BMP2K: variants seen among roughly 807,000 people sequenced by gnomAD.
The protein encoded by BMP2K is BMP-2-inducible protein kinase.
A neutral mutation model predicts 116.0 loss-of-function variants in BMP2K; 74 were observed. That is an observed-to-expected ratio of 0.64 (90% CI 0.53 to 0.77). BMP2K has a LOEUF of 0.77. Among genes scored for constraint, BMP2K ranks in the 30% least tolerant of loss-of-function variants. The probability of loss-of-function intolerance (pLI) is 0.00; values close to 1 mark genes in which losing one functional copy is unlikely to be tolerated. For missense variants in BMP2K, 1,365 were observed against 1,403.6 expected (o/e 0.97, Z 0.44); for synonymous variants, 486 against 502.5 (o/e 0.97, Z 0.44).
intron 1 of BMP2K, among the ~76,000 whole-genome samples, chr4:78,778,546 C>G (rs958202201): frequency 3.9e-5 from 6 of 152,154 alleles, no homozygotes; most frequent in Non-Finnish European, 5.9e-5. Flanking sequence ...ATCCTACACC[C>G]CAGCTTTAAT....
rs903784228 is a variant in BMP2K, at chr4:78,826,103, A to G, written c.245A>G (p.Tyr82Cys). 2.2e-5 allele frequency: 35 copies of G among 1,614,076 alleles called. No homozygotes were observed. Among genetic ancestry groups the G allele is most frequent in the Non-Finnish European group, 3.0e-5 (35 of 1,180,016 alleles). ...ATCCGATGTGCATTGAAGCGAATGT[A>G]TGTCAATAACATGCCAGACCTCAAT... ...GGIRCALKRM[Y>C]VNNMPDLNVC... Residue 82 changes from tyrosine to cysteine, a missense_variant, in exon 2 of 16, where the codon TAT (tyrosine) becomes TGT (cysteine). By Grantham distance (194) the Tyr-to-Cys change is radical (BLOSUM62 -2). Around this residue, in one of 3 missense-constraint regions of BMP2K, gnomAD observed 762 missense variants for 756.7 expected, o/e 1.01. Coordinates refer to ENST00000502613, the MANE Select transcript of BMP2K (RefSeq NM_198892.2).
intron 14 of BMP2K, among the ~76,000 whole-genome samples, chr4:78,883,035 C>CT (rs1302804064): frequency 9.2e-5 from 14 of 152,172 alleles, no homozygotes; most frequent in Admixed American, 5.2e-4. Flanking sequence ...ACTTTGTAGA[C>CT]TATTTTAATT....
At position 78,873,742 on chromosome 4, in the gene BMP2K, CAG is replaced by C. The variant is rs532323246; in HGVS notation, c.1793+946_1793+947del. 4.6e-3 allele frequency among the ~76,000 whole-genome samples: 682 copies of C among 147,414 alleles called. 3 individuals are homozygous for C. Among genetic ancestry groups the C allele is most frequent in the African/African-American group, 0.016 (645 of 40,694 alleles). ...CATGTGTGTGCACATGTGCAAGAGA[CAG>C]ATGGTGGGGCGGGTATGGTAGAGAG... is the stretch of plus-strand genomic sequence containing the variant. On this transcript the variant is annotated intron_variant, in intron 13 of 15. Coordinates refer to ENST00000502613, the MANE Select transcript of BMP2K (RefSeq NM_198892.2).
At chr4:78,834,081 G>C (rs1157753353) in intron 3 of BMP2K, among the ~76,000 whole-genome samples, 1 of 151,730 alleles carries the variant, frequency 6.6e-6, no homozygotes, top group Non-Finnish European at 1.5e-5. Flanking sequence ...AAATTTGGAG[G>C]ATGCATTTTG....
chr4:78,864,292 T>C (rs1731937686), intron 9 of BMP2K, among the ~76,000 whole-genome samples: 1 of 152,016 alleles, frequency 6.6e-6, no homozygotes, highest in South Asian at 2.1e-4. Flanking sequence ...TTACTTGAGC[T>C]TAGGGAGTAT....
chr4:78,806,015 AT>A (rs1184988833), intron 1 of BMP2K, among the ~76,000 whole-genome samples: 5 of 151,346 alleles, frequency 3.3e-5, no homozygotes, highest in Admixed American at 1.3e-4. Flanking sequence ...TTTTTTTTTC[AT>A]TTTTTTATGG....
At chr4:78,779,990 C>T (rs928220438) in intron 1 of BMP2K, among the ~76,000 whole-genome samples, 2 of 151,988 alleles carry the variant, frequency 1.3e-5, no homozygotes, top group African/African-American at 4.8e-5. Flanking sequence ...TGAGGGAGAG[C>T]GGTATGTTGG....
chr4:78,799,635 A>T (rs1349303611), intron 1 of BMP2K, among the ~76,000 whole-genome samples: 1 of 152,222 alleles, frequency 6.6e-6, no homozygotes, highest in African/African-American at 2.4e-5. Context: ...TGGCTTTTGT[A>T]TCAAAAGTAC....
At chr4:78,829,629 G>C (rs1252860126) in intron 2 of BMP2K, among the ~76,000 whole-genome samples, 1 of 151,830 alleles carries the variant, frequency 6.6e-6, no homozygotes, top group Non-Finnish European at 1.5e-5. Context: ...CATCAGAGAA[G>C]TCATTATTTA....
In BMP2K at chr4:78,783,690, C is replaced by T. The variant is rs191683444; in HGVS notation, c.178+6969C>T. On this transcript the variant is annotated intron_variant, in intron 1 of 15. Coordinates refer to ENST00000502613, the MANE Select transcript of BMP2K (RefSeq NM_198892.2). ...GCATAGTGGCACGTGCCTATAATAA[C>T]AGCTACTCATGAGGCTGAGGCAGGA... Among the ~76,000 whole-genome samples the T allele has an allele frequency of 2.1e-3, 318 of 152,270 alleles. 1 individual carries two copies. The highest frequency in any genetic ancestry group is 7.5e-3 in the African/African-American group (310 of 41,556).
intron 13 of BMP2K, among the ~76,000 whole-genome samples, chr4:78,875,756 A>C (rs1253889818): frequency 2.6e-5 from 4 of 152,224 alleles, no homozygotes; most frequent in African/African-American, 9.6e-5. Flanking sequence ...GGCTTTGGGC[A>C]GGAGGCTTCA....
In BMP2K at chr4:78,878,774, CAGA is replaced by C. The variant is rs1260999737; in HGVS notation, c.1839_1841del (p.Lys613del). 12 of 1,612,290 alleles carry C rather than the reference CAGA, an allele frequency of 7.4e-6. No individual in the cohort carries two copies. Among genetic ancestry groups the C allele is most frequent in the Non-Finnish European group, 8.5e-6 (10 of 1,179,534 alleles). On this transcript the variant is annotated inframe_deletion, in exon 14 of 16. Coordinates refer to ENST00000502613, the MANE Select transcript of BMP2K (RefSeq NM_198892.2). ...AGAGGCCATTGCAAATTTCACAAAT[CAGA>C]AGAACATCAGCAATCCACCTGATAT...
intron 15 of BMP2K, among the ~76,000 whole-genome samples, chr4:78,898,370 ATTG>A (rs898057855): frequency 6.6e-6 from 1 of 151,906 alleles, no homozygotes. Context: ...AATAAGGTGT[ATTG>A]TTTATTTTAG....
chr4:78,807,439 T>G (rs903767496), intron 1 of BMP2K, among the ~76,000 whole-genome samples: 1 of 152,174 alleles, frequency 6.6e-6, no homozygotes, highest in Non-Finnish European at 1.5e-5. Flanking sequence ...ATAGAGTAAG[T>G]GACAAAACGT....
At chr4:78,897,007 A>G (rs1174671919) in intron 15 of BMP2K, among the ~76,000 whole-genome samples, 4 of 152,148 alleles carry the variant, frequency 2.6e-5, no homozygotes, top group Non-Finnish European at 1.5e-5. Context: ...GAGTTTTGAT[A>G]GTTTCCTCTC....
chr4:78,899,801 T>A (rs1342815195), intron 15 of BMP2K, among the ~76,000 whole-genome samples: 2 of 152,158 alleles, frequency 1.3e-5, no homozygotes, highest in Non-Finnish European at 2.9e-5. Flanking sequence ...GAATCCTGAT[T>A]GCAGTGGATT....
intron 4 of BMP2K, among the ~76,000 whole-genome samples, chr4:78,843,947 TTTC>T (rs1260464457): frequency 6.6e-6 from 1 of 151,912 alleles, no homozygotes; most frequent in Non-Finnish European, 1.5e-5. Flanking sequence ...TCTAAGTAGA[TTTC>T]TTTCTGAATC....
At chr4:78,815,844 CATT>C (rs1729312830) in intron 1 of BMP2K, among the ~76,000 whole-genome samples, 1 of 152,048 alleles carries the variant, frequency 6.6e-6, no homozygotes, top group South Asian at 2.1e-4. Context: ...TTTAAGTACT[CATT>C]AAGCATTAGT....
At chr4:78,875,735 T>G (rs1455672089) in intron 13 of BMP2K, among the ~76,000 whole-genome samples, 1 of 152,206 alleles carries the variant, frequency 6.6e-6, no homozygotes, top group African/African-American at 2.4e-5. Context: ...TACAAGATAG[T>G]TCACTCACAT....
Sources: gnomAD v4.1 joint callset for allele counts (sites outside exome capture counted in the v4.1 genomes callset) on GRCh38, gnomAD v4.1.1 for gene constraint, gnomAD v4.1.1 regional missense constraint, MANE v1.5 for transcripts, NCBI Gene and HGNC (gene_info 2026-07-23, HGNC 2026-07-21) for gene names.